TYRO3: variants seen among roughly 807,000 people sequenced by gnomAD.
The protein encoded by TYRO3 is TYRO3 protein tyrosine kinase.
TYRO3 carries 38 observed loss-of-function variants against 95.2 expected under a neutral mutation model. The observed-to-expected ratio is 0.40, with a 90% CI of 0.31 to 0.52. The LOEUF (loss-of-function observed/expected upper bound fraction) is 0.52, where lower values mean the gene tolerates loss of function less well. Ranked by LOEUF, TYRO3 falls within the 20% of genes least tolerant of loss-of-function variation. The pLI, the probability that TYRO3 is intolerant of heterozygous loss-of-function variation, is 0.56. For synonymous variants in TYRO3, 367 were observed against 432.9 expected (o/e 0.85, Z 1.89); for missense variants, 812 against 1,116.4 (o/e 0.73, Z 3.89).
chr15:41,566,704 C>G (rs1011585869), intron 6 of TYRO3, among the ~76,000 whole-genome samples: 2 of 152,238 alleles, frequency 1.3e-5, no homozygotes, highest in East Asian at 3.8e-4. Flanking sequence ...CAGGCCAGCT[C>G]TTCCAGTGCC....
chr15:41,562,487 A>G lies in TYRO3; in HGVS notation c.410-61A>G. The G allele has an allele frequency of 5.5e-6, 8 of 1,458,848 alleles. No homozygotes were observed. In the South Asian group the frequency reaches 7.6e-5, roughly 14 times the overall value. 90.4% of individuals were successfully genotyped at this position (1,458,848 alleles called of 1,614,324 possible). On this transcript the variant is annotated intron_variant, in intron 3 of 18. Transcript: ENST00000263798. ...GACTTCAGATGTAAACAGACTTGTG[A>G]TTTGTACAGTAGGAAGCCAAGAGGT...
rs545044412 is a variant in TYRO3 at position 41,571,448 on chromosome 15, C to T, written c.1661-147C>T. 137 of 653,094 alleles carry T rather than the reference C, an allele frequency of 2.1e-4. No homozygotes were observed. The African/African-American group carries it at 2.4e-3, about 11-fold the overall frequency. The allele number at this position is 653,094 out of a possible 1,614,324, so 40.5% of individuals were successfully genotyped here. On this transcript the variant is annotated intron_variant, in intron 13 of 18. Coordinates refer to ENST00000263798, the MANE Select transcript of TYRO3 (RefSeq NM_006293.4). Reference sequence around the variant, plus strand: ...GAGAAGTTGCTAAGTATCACCACTCCTTGGGGGTTTCTCCTGCTCATGGCT... The same window carrying T: ...GAGAAGTTGCTAAGTATCACCACTCTTTGGGGGTTTCTCCTGCTCATGGCT...
chr15:41,571,922 C>G (rs1452189795), intron 14 of TYRO3, among the ~76,000 whole-genome samples: 2 of 151,808 alleles, frequency 1.3e-5, no homozygotes, highest in African/African-American at 2.4e-5. Context: ...CTTTGGGAGG[C>G]TGAGGTGGGA....
At chr15:41,570,569 G>T (rs2055782555) in intron 11 of TYRO3, 35 bp from the exon 12 acceptor site, 1 of 1,321,978 alleles carries the variant, frequency 7.6e-7, no homozygotes, top group Non-Finnish European at 1.0e-6. Context: ...TCAGGAATCA[G>T]AGATCCCTCT....
chr15:41,570,326 G>A lies in TYRO3; in HGVS notation c.1469G>A (p.Arg490His), dbSNP rs755999280. The change falls in exon 11 of 19, where the codon CGC (arginine) becomes CAC (histidine). Residue 490 changes from arginine to histidine, a missense_variant. Coordinates refer to ENST00000263798, the MANE Select transcript of TYRO3 (RefSeq NM_006293.4). ...TCCTTCAATCGAGAAAGGCCCGAGCGCATCGAGGCCACATGTGAGTGGTGG... is the reference window on the plus strand; with the variant it reads ...TCCTTCAATCGAGAAAGGCCCGAGCACATCGAGGCCACATGTGAGTGGTGG... ...ARSFNRERPE[R>H]IEATLDSLGI... is the part of the protein sequence containing the mutation. 9.3e-6 allele frequency: 15 copies of A among 1,613,894 alleles called. No homozygotes were observed. Among genetic ancestry groups the A allele is most frequent in the Middle Eastern group, 3.3e-4 (2 of 6,084 alleles).
In TYRO3 at chr15:41,573,412, A is replaced by G; in HGVS notation, c.2090A>G (p.Lys697Arg). Residue 697 changes from lysine (K) to arginine (R), a missense_variant, in exon 17 of 19, where the codon AAG (lysine) becomes AGG (arginine). Lys to Arg is a conservative substitution (Grantham distance 26). Transcript: ENST00000263798. ...RQGCASKLPVKWLALESLADN... is the reference protein window; with the variant it reads ...RQGCASKLPVRWLALESLADN... Reference sequence around the variant, plus strand: ...GGCTGTGCCTCCAAACTGCCTGTCAAGTGGCTGGCCCTGGAGAGCCTGGCC... The same window carrying G: ...GGCTGTGCCTCCAAACTGCCTGTCAGGTGGCTGGCCCTGGAGAGCCTGGCC... 2 of 1,614,264 alleles carry G rather than the reference A, an allele frequency of 1.2e-6. No individual in the cohort carries two copies. The highest frequency in any genetic ancestry group is 1.7e-6 in the Non-Finnish European group (2 of 1,180,048).
intron 13 of TYRO3, 117 bp downstream of exon 13, chr15:41,571,235 A>G: frequency 1.1e-6 from 1 of 919,606 alleles, no homozygotes; most frequent in Admixed American, 1.9e-5. Flanking sequence ...GGGCAGCACT[A>G]ACTGGGATGC....
intron 15 of TYRO3, 74 bp from the exon 16 acceptor site, chr15:41,572,928 G>A: frequency 9.7e-7 from 1 of 1,026,548 alleles, no homozygotes; most frequent in Non-Finnish European, 1.4e-6. Context: ...AGGCTTTCTG[G>A]CCAGGGACCC....
intron 12 of TYRO3, 41 bp from the exon 13 acceptor site, chr15:41,570,997 G>C: frequency 6.3e-7 from 1 of 1,593,840 alleles, no homozygotes; most frequent in African/African-American, 1.3e-5. Flanking sequence ...GCAGGGAGCA[G>C]AGAGCCAAGG....
At chr15:41,567,262 A>T in intron 6 of TYRO3, 98 bp from the exon 7 acceptor site, 1 of 1,077,130 alleles carries the variant, frequency 9.3e-7, no homozygotes, top group Non-Finnish European at 1.2e-6. Flanking sequence ...GTTTGCTGAT[A>T]GAGGAAGCAT....
chr15:41,576,669 T>TTTTA (rs1395461321), intron 18 of TYRO3, among the ~76,000 whole-genome samples: 2 of 83,676 alleles, frequency 2.4e-5, no homozygotes, highest in African/African-American at 9.1e-5. Flanking sequence ...TTTTTTTTTT[T>TTTTA]AAAAAAAAAA....
intron 6 of TYRO3, among the ~76,000 whole-genome samples, chr15:41,566,114 A>G (rs1225630047): frequency 1.3e-5 from 2 of 151,936 alleles, no homozygotes; most frequent in Non-Finnish European, 2.9e-5. Context: ...GGGGTTCAAG[A>G]CCAGCCTGGG....
rs527331118 is a variant in TYRO3 at position 41,568,309 on chromosome 15, G to A, written c.1054G>A (p.Glu352Lys). ...AGAAGTGATCCCCGAGGCCCCTTTG[G>A]AAGGCCCCCTGGGACCCTACAAACT... ...WEEVIPEAPL[E>K]GPLGPYKLSW... The change falls in exon 8 of 19, where the codon GAA becomes AAA. Residue 352 changes from glutamate to lysine, a missense_variant. Transcript: ENST00000263798. 2.6e-5 allele frequency: 42 copies of A among 1,614,078 alleles called. No individual in the cohort carries two copies. In the South Asian group the frequency reaches 4.3e-4, roughly 16 times the overall value.
Position 41,561,712 on chromosome 15 carries a change from C to T in TYRO3, c.409+73C>T, listed in dbSNP as rs527595114. ...TCTGCTGGTGACTATACCTCTGCAG[C>T]GGAGAACTCAGTAGAAGCTGGGCTG... On this transcript the variant is annotated intron_variant, in intron 3 of 18. Coordinates refer to ENST00000263798, the MANE Select transcript of TYRO3 (RefSeq NM_006293.4). 2.5e-5 allele frequency: 29 copies of T among 1,182,102 alleles called. No homozygotes were observed. In the East Asian group the frequency reaches 2.6e-4, roughly 11 times the overall value. 73.2% of individuals were successfully genotyped at this position (1,182,102 alleles called of 1,614,324 possible). A position where few individuals can be genotyped will look rare whatever the true frequency, so the allele number is the denominator to read the frequency against.
chr15:41,561,027 CTCTG>C (rs2055645717), intron 1 of TYRO3, 96 bp from the exon 2 acceptor site: 2 of 1,354,958 alleles, frequency 1.5e-6, no homozygotes, highest in Non-Finnish European at 1.0e-6. Flanking sequence ...AGAAAGAGCC[CTCTG>C]TCTGACACAG....
chr15:41,576,915 C>A (rs1403525788), intron 18 of TYRO3, among the ~76,000 whole-genome samples: 3 of 151,944 alleles, frequency 2.0e-5, no homozygotes, highest in Non-Finnish European at 2.9e-5. Flanking sequence ...CTTTTAGCCT[C>A]AGCCTCCTGA....
chr15:41,563,727 C>T (rs1231888786), intron 4 of TYRO3, among the ~76,000 whole-genome samples: 1 of 152,124 alleles, frequency 6.6e-6, no homozygotes, highest in Non-Finnish European at 1.5e-5. Flanking sequence ...ACTGGGGAGA[C>T]AAGACATGTG....
At chr15:41,570,457 C>G in intron 11 of TYRO3, 117 bp downstream of exon 11, 1 of 1,373,586 alleles carries the variant, frequency 7.3e-7, no homozygotes, top group Non-Finnish European at 1.0e-6. Context: ...CCCAGGCACA[C>G]AAATCTGCCT....
chr15:41,582,684 A>G lies in TYRO3; in HGVS notation c.*4408A>G, dbSNP rs1258238184. 1 of 152,194 alleles carries G rather than the reference A, an allele frequency of 6.6e-6. No individual in the cohort carries two copies. The highest frequency in any genetic ancestry group is 1.5e-5 in the Non-Finnish European group (1 of 68,042). 9.4% of individuals were successfully genotyped at this position (152,194 alleles called of 1,614,324 possible). Reference sequence around the variant, plus strand: ...ACAAGAGTGAGACTCCATCTCAAAAAAGAAAATAATAATAATATAGTTTAT... The same window carrying G: ...ACAAGAGTGAGACTCCATCTCAAAAGAGAAAATAATAATAATATAGTTTAT... On this transcript the variant is annotated 3_prime_UTR_variant, in exon 19 of 19. Coordinates refer to ENST00000263798, the MANE Select transcript of TYRO3 (RefSeq NM_006293.4).
Sources: allele counts gnomAD v4.1 joint callset (sites outside exome capture counted in the v4.1 genomes callset), GRCh38; gene constraint gnomAD v4.1.1; transcripts MANE v1.5; gene names NCBI Gene and HGNC (gene_info 2026-07-23, HGNC 2026-07-21).